The following SH3TC1 variants were observed in gnomAD, a reference collection of about 807,000 sequenced individuals.
The protein encoded by SH3TC1 is SH3 domain and tetratricopeptide repeat-containing protein 1.
Under a neutral mutation model 117.3 loss-of-function variants are expected in SH3TC1, and 135 were observed. The ratio of observed to expected loss-of-function variants is 1.15; its 90% confidence interval spans 1.00 to 1.33. SH3TC1 has a LOEUF of 1.33. Among genes scored for constraint, SH3TC1 ranks in the 40% most tolerant of loss-of-function variants. SH3TC1 has a pLI of 0.00. For missense variants in SH3TC1, 2,092 were observed against 1,794.3 expected, an observed-to-expected ratio of 1.17 and a Z score of -3.00; for synonymous variants, 898 against 816.9, an observed-to-expected ratio of 1.10 and a Z score of -1.69.
In SH3TC1 at chr4:8,233,421, C is replaced by G. The variant is rs1354275990; in HGVS notation, c.3190C>G (p.Gln1064Glu). The G allele has an allele frequency of 6.2e-7, 1 of 1,613,920 alleles. No homozygotes were observed. The highest frequency in any genetic ancestry group is 1.7e-5 in the Admixed American group (1 of 59,998). The change falls in exon 14 of 18, where the codon CAG becomes GAG. Residue 1064 changes from glutamine (Q) to glutamate (E), a missense_variant. Gln to Glu is a conservative substitution (Grantham distance 29). Transcript: ENST00000245105. ...KRSLGIFIDLQKKEKEAHAWL... is the reference protein window; with the variant it reads ...KRSLGIFIDLEKKEKEAHAWL... The stretch of plus-strand genomic sequence containing the variant: ...AAGTCTGGGGATTTTCATTGACCTC[C>G]AGAAGAAAGAGAAGGAGGCGCATGC...
intron 6 of SH3TC1, among the ~76,000 whole-genome samples, chr4:8,216,645 A>G (rs1346194511): frequency 6.6e-6 from 1 of 151,390 alleles, no homozygotes; most frequent in African/African-American, 2.4e-5. Flanking sequence ...GGCTGGGGTC[A>G]CTGGGGCAGT....
intron 2 of SH3TC1, among the ~76,000 whole-genome samples, chr4:8,208,071 C>T (rs1712271): frequency 0.8 from 121,096 of 152,068 alleles, 49,070 homozygotes; most frequent in Non-Finnish European, 0.88. Context: ...TTTCCCTTAG[C>T]ACCCTCCCTC....
intron 1 of SH3TC1, among the ~76,000 whole-genome samples, chr4:8,203,899 G>T (rs1202468108): frequency 6.6e-6 from 1 of 152,110 alleles, no homozygotes; most frequent in African/African-American, 2.4e-5. Flanking sequence ...CACGTTCCCC[G>T]CCCAGAGAGC....
Position 8,222,851 on chromosome 4 carries a change from C to T in SH3TC1, c.1124C>T (p.Ala375Val), listed in dbSNP as rs200988451. 72 of 1,611,076 alleles carry T rather than the reference C, an allele frequency of 4.5e-5. No individual in the cohort carries two copies. In the African/African-American group the frequency reaches 6.4e-4, roughly 14 times the overall value. ...TTTATTTTTTCCAGGTTGGAAAGTGCGATTTTTCTCAATGAGGAAGAAAAG... is the reference window on the plus strand; with the variant it reads ...TTTATTTTTTCCAGGTTGGAAAGTGTGATTTTTCTCAATGAGGAAGAAAAG... ...MQGPVSELES[A>V]IFLNEEEKSF... Residue 375 changes from alanine (A) to valine (V), a missense_variant, in exon 10 of 18, where the codon GCG becomes GTG. Ala to Val is a moderately conservative substitution (Grantham distance 64). Coordinates refer to ENST00000245105, the MANE Select transcript of SH3TC1 (RefSeq NM_018986.5).
At position 8,205,662 on chromosome 4, in the gene SH3TC1, A is replaced by G. The variant is rs1209901473; in HGVS notation, c.172+296A>G. On this transcript the variant is annotated intron_variant, in intron 2 of 17. Coordinates refer to ENST00000245105, the MANE Select transcript of SH3TC1 (RefSeq NM_018986.5). The surrounding 1 kb of genome is among the most constrained non-coding windows in gnomAD (Gnocchi z 5.4). ...GGCCTTTGAACCCCCATGTTCAGAG[A>G]CCGTTCCAGAAACAGTCCGATGGGT... is the stretch of plus-strand genomic sequence containing the variant. 1 of 760,846 alleles carries G rather than the reference A, an allele frequency of 1.3e-6. No individual in the cohort carries two copies. Among genetic ancestry groups the G allele is most frequent in the South Asian group, 1.4e-5 (1 of 73,888 alleles). 47.1% of individuals were successfully genotyped at this position (760,846 alleles called of 1,614,324 possible).
chr4:8,232,274 T>G, intron 13 of SH3TC1, 118 bp downstream of exon 13: 162 of 1,399,860 alleles, frequency 1.2e-4, no homozygotes, highest in East Asian at 4.8e-4. Context: ...GATCATTTGG[T>G]TCCTTGGCAT....
intron 15 of SH3TC1, chr4:8,236,031 C>T: frequency 1.9e-6 from 1 of 526,000 alleles, no homozygotes; most frequent in East Asian, 3.4e-5. Context: ...TCCCCCCAGT[C>T]AGACCCCTGG....
rs1719376734 is a variant in SH3TC1 at position 8,217,168 on chromosome 4, G to A, written c.839+1G>A. On this transcript the variant is annotated splice_donor_variant, in intron 7 of 17. Transcript: ENST00000245105. LOFTEE classifies it high-confidence loss of function. ...CGGAGCCTTTGATTCCATTTCATCAGTAGGTACCGGCCTTTGCTGCTCTGA... is the reference window on the plus strand; with the variant it reads ...CGGAGCCTTTGATTCCATTTCATCAATAGGTACCGGCCTTTGCTGCTCTGA... 1 of 1,601,364 alleles carries A rather than the reference G, an allele frequency of 6.2e-7. No individual in the cohort carries two copies. Among genetic ancestry groups the A allele is most frequent in the Non-Finnish European group, 8.5e-7 (1 of 1,174,124 alleles).
intron 17 of SH3TC1, among the ~76,000 whole-genome samples, chr4:8,239,956 G>A (rs113861796): frequency 2.2e-4 from 34 of 152,370 alleles, no homozygotes; most frequent in African/African-American, 7.2e-4. Context: ...GGGCGGGGCC[G>A]TGAGGGCATG....
chr4:8,222,806 T>A, intron 9 of SH3TC1, 34 bp from the exon 10 acceptor site: 2 of 1,597,344 alleles, frequency 1.3e-6, no homozygotes, highest in Non-Finnish European at 1.7e-6. Flanking sequence ...TTTGCAAATA[T>A]GTTGTTTTGA....
intron 9 of SH3TC1, among the ~76,000 whole-genome samples, chr4:8,222,171 T>C (rs1040219801): frequency 9.2e-5 from 14 of 151,828 alleles, no homozygotes; most frequent in African/African-American, 3.4e-4. Context: ...TGTGGAGAGA[T>C]TGGATTGGTT....
Position 8,222,942 on chromosome 4 carries a change from C to T in SH3TC1, c.1215C>T (p.Gly405=), listed in dbSNP as rs770863087. Residue 405 remains glycine, a synonymous_variant, in exon 10 of 18, where the codon GGC becomes GGT. Transcript: ENST00000245105. ...DARQLLRRMS[G]TDVCSVYSLD... is the part of the protein sequence containing the mutation. ...GGCAGTTGCTGAGGCGGATGTCGGG[C>T]ACCGATGTCTGCAGCGTGTACAGCC... 3.1e-6 allele frequency: 5 copies of T among 1,612,680 alleles called. No individual in the cohort carries two copies. Among genetic ancestry groups the T allele is most frequent in the Admixed American group, 1.7e-5 (1 of 60,014 alleles).
In SH3TC1 at chr4:8,241,086, G is replaced by GT. The variant is rs61463958; in HGVS notation, c.*141dup. The GT allele has an allele frequency of 0.026, 26,161 of 1,014,054 alleles. 40 individuals are homozygous for GT. The highest frequency in any genetic ancestry group is 0.05 in the African/African-American group (2,962 of 59,614). 62.8% of individuals were successfully genotyped at this position (1,014,054 alleles called of 1,614,324 possible). A position where few individuals can be genotyped will look rare whatever the true frequency, so the allele number is the denominator to read the frequency against. Reference sequence around the variant, plus strand: ...GGCCAAATAGCAATAAATGGGTTTTGTTTTTTTTTTGCAATAACTTATTGA... The same window carrying GT: ...GGCCAAATAGCAATAAATGGGTTTTGTTTTTTTTTTTGCAATAACTTATTGA... On this transcript the variant is annotated 3_prime_UTR_variant, in exon 18 of 18. Coordinates refer to ENST00000245105, the MANE Select transcript of SH3TC1 (RefSeq NM_018986.5).
At chr4:8,230,825 C>T (rs1478197450) in intron 12 of SH3TC1, among the ~76,000 whole-genome samples, 3 of 141,576 alleles carry the variant, frequency 2.1e-5, no homozygotes, top group African/African-American at 7.9e-5. Context: ...CTCTGTTGCT[C>T]AGGCTGGAGT....
At chr4:8,188,051 G>A (rs930371766) in intron 1 of SH3TC1, among the ~76,000 whole-genome samples, 10 of 152,300 alleles carry the variant, frequency 6.6e-5, no homozygotes, top group African/African-American at 2.4e-4. Flanking sequence ...TTCCTGATGC[G>A]ACAAGACACT....
In SH3TC1 at chr4:8,205,944, C is replaced by G; in HGVS notation, c.172+578C>G. The G allele has an allele frequency of 2.1e-6, 1 of 466,074 alleles. No homozygotes were observed. The highest frequency in any genetic ancestry group is 3.8e-6 in the Non-Finnish European group (1 of 260,872). The allele number at this position is 466,074 out of a possible 1,614,324, so 28.9% of individuals were successfully genotyped here. On this transcript the variant is annotated intron_variant, in intron 2 of 17. Coordinates refer to ENST00000245105, the MANE Select transcript of SH3TC1 (RefSeq NM_018986.5). This position sits in a 1 kb window ranked among gnomAD's most constrained non-coding sequence, Gnocchi z 5.4. ...GGGGAGACCAAGGCCTGCACGGCCC[C>G]TCCCGGCAGGAGACAGCTGCGGTTG...
chr4:8,230,940 C>G (rs893062139), intron 12 of SH3TC1, among the ~76,000 whole-genome samples: 1 of 151,826 alleles, frequency 6.6e-6, no homozygotes, highest in Non-Finnish European at 1.5e-5. Context: ...CCACCACACC[C>G]GGCTAATTTT....
At chr4:8,196,368 C>T (rs554422024), upstream of SH3TC1, among the ~76,000 whole-genome samples, 785 of 152,018 alleles carry the variant, frequency 5.2e-3, 2 homozygotes, top group Non-Finnish European at 8.7e-3. The surrounding 1 kb of genome is among the most constrained non-coding windows in gnomAD (Gnocchi z 4.6). Flanking sequence ...CTACAGGTGG[C>T]ACTGGTGGGG....
chr4:8,230,952 G>T (rs1011238385), intron 12 of SH3TC1, among the ~76,000 whole-genome samples: 2 of 151,840 alleles, frequency 1.3e-5, no homozygotes, highest in African/African-American at 4.8e-5. Flanking sequence ...GCTAATTTTT[G>T]TATTTTTTTG....
Sources: allele counts gnomAD v4.1 joint callset (sites outside exome capture counted in the v4.1 genomes callset), GRCh38; gene constraint gnomAD v4.1.1; non-coding constraint Gnocchi (gnomAD v3.1); transcripts MANE v1.5; gene names NCBI Gene and HGNC (gene_info 2026-07-23, HGNC 2026-07-21).